Variants in ZBTB20 observed in about 807,000 individuals in gnomAD.
ZBTB20 encodes the protein zinc finger and BTB domain containing 20.
Under a neutral mutation model 56.9 loss-of-function variants are expected in ZBTB20, and 9 were observed. The observed-to-expected ratio is 0.16, with a 90% CI of 0.10 to 0.28. The LOEUF (loss-of-function observed/expected upper bound fraction) is 0.28, where lower values mean the gene tolerates loss of function less well. Ranked by LOEUF, ZBTB20 falls within the 10% of genes least tolerant of loss-of-function variation. The pLI, the probability that ZBTB20 is intolerant of heterozygous loss-of-function variation, is 1.00. For missense variants in ZBTB20, 655 were observed against 1,003.0 expected (o/e 0.65, Z 4.69); for synonymous variants, 417 against 420.7 (o/e 0.99, Z 0.11).
At chr3:115,062,369 G>C (rs758144908) in intron 2 of ZBTB20, among the ~76,000 whole-genome samples, 5 of 152,128 alleles carry the variant, frequency 3.3e-5, no homozygotes, top group Non-Finnish European at 7.4e-5. Context: ...GACAAATCAT[G>C]TTCTTTCTTC....
chr3:114,840,691 C>G (rs1347126784), intron 4 of ZBTB20, among the ~76,000 whole-genome samples: 1 of 152,066 alleles, frequency 6.6e-6, no homozygotes, highest in Non-Finnish European at 1.5e-5. Context: ...ACAGAGTAGT[C>G]AAATTCATAC....
intron 7 of ZBTB20, among the ~76,000 whole-genome samples, chr3:114,436,149 TGTCTTTTCAATA>T (rs2090500126): frequency 6.6e-6 from 1 of 152,192 alleles, no homozygotes; most frequent in African/African-American, 2.4e-5. Context: ...TAGGTCAAAA[TGTCTTTTCAATA>T]GTTGCTAATA....
chr3:114,885,486 T>G (rs1469481436), intron 4 of ZBTB20, among the ~76,000 whole-genome samples: 1 of 152,184 alleles, frequency 6.6e-6, no homozygotes, highest in Non-Finnish European at 1.5e-5. Flanking sequence ...GTGCCTGAGA[T>G]CAACTGAATT....
rs112368385 is a variant in ZBTB20, at chr3:115,106,586, G to A, written c.-702-35172C>T. On this transcript the variant is annotated intron_variant, in intron 1 of 11. Coordinates refer to ENST00000675478, the MANE Select transcript of ZBTB20 (RefSeq NM_001348800.3). Reference sequence around the variant, plus strand: ...ATCTATTTTAAAATTGTATCCCATCGGGCCCAAGGACAATAGTAGGCCAGG... The same window carrying A: ...ATCTATTTTAAAATTGTATCCCATCAGGCCCAAGGACAATAGTAGGCCAGG... Among the ~76,000 whole-genome samples the A allele has an allele frequency of 3.7e-3, 559 of 152,084 alleles. 2 individuals carry two copies. Among genetic ancestry groups the A allele is most frequent in the African/African-American group, 0.012 (486 of 41,478 alleles).
At chr3:114,544,116 T>C (rs530151219) in intron 6 of ZBTB20, among the ~76,000 whole-genome samples, 45 of 152,320 alleles carry the variant, frequency 3.0e-4, no homozygotes, top group African/African-American at 8.4e-4. Context: ...AAAGACTAGC[T>C]GTAGTTAGAC....
intron 2 of ZBTB20, among the ~76,000 whole-genome samples, chr3:114,990,663 T>C: frequency 6.6e-6 from 1 of 152,200 alleles, no homozygotes; most frequent in Non-Finnish European, 1.5e-5. Flanking sequence ...TTGATTGGAA[T>C]AGTTTCAGGA....
At chr3:114,889,351 A>G (rs1024540177) in intron 4 of ZBTB20, among the ~76,000 whole-genome samples, 3 of 152,000 alleles carry the variant, frequency 2.0e-5, no homozygotes, top group African/African-American at 7.2e-5. Flanking sequence ...AGAGTTGTGC[A>G]TTAATTACTA....
chr3:114,750,304 A>G (rs2067461828), intron 5 of ZBTB20, among the ~76,000 whole-genome samples: 1 of 152,226 alleles, frequency 6.6e-6, no homozygotes, highest in Non-Finnish European at 1.5e-5. Flanking sequence ...CCTAGCCTGC[A>G]GGTTACACTT....
At chr3:114,670,672 A>G (rs1196770983) in intron 6 of ZBTB20, among the ~76,000 whole-genome samples, 1 of 152,112 alleles carries the variant, frequency 6.6e-6, no homozygotes, top group Non-Finnish European at 1.5e-5. Context: ...ATATTTGGGG[A>G]AAAAGTCTAA....
chr3:114,630,833 G>A (rs1276315698), intron 6 of ZBTB20, among the ~76,000 whole-genome samples: 1 of 152,126 alleles, frequency 6.6e-6, no homozygotes, highest in African/African-American at 2.4e-5. Flanking sequence ...GCAATGGGAG[G>A]TAATACATTG....
Position 114,575,091 on chromosome 3 carries a change from T to C in ZBTB20, c.-294-74700A>G, listed in dbSNP as rs531554132. Reference sequence around the variant, plus strand: ...GAGTTTAATGAACTACCCATGGTCATGGAGCCAATTAAATGACAGAACTAG... The same window carrying C: ...GAGTTTAATGAACTACCCATGGTCACGGAGCCAATTAAATGACAGAACTAG... On this transcript the variant is annotated intron_variant, in intron 6 of 11. Coordinates refer to ENST00000675478, the MANE Select transcript of ZBTB20 (RefSeq NM_001348800.3). Among the ~76,000 whole-genome samples the C allele has an allele frequency of 1.1e-4, 16 of 152,306 alleles. No homozygotes were observed. In the South Asian group the frequency reaches 3.1e-3, roughly 30 times the overall value.
chr3:114,374,060 A>G (rs1576442437), intron 10 of ZBTB20, among the ~76,000 whole-genome samples: 1 of 152,232 alleles, frequency 6.6e-6, no homozygotes, highest in South Asian at 2.1e-4. Context: ...CTTCCAATGT[A>G]TAAGTGCTGG....
chr3:115,101,102 C>A (rs2083567516), intron 1 of ZBTB20, among the ~76,000 whole-genome samples: 1 of 152,192 alleles, frequency 6.6e-6, no homozygotes, highest in South Asian at 2.1e-4. Flanking sequence ...ACAAACATCA[C>A]AATGCAATGT....
intron 2 of ZBTB20, among the ~76,000 whole-genome samples, chr3:115,043,734 A>G (rs2081237478): frequency 6.6e-6 from 1 of 152,112 alleles, no homozygotes; most frequent in Non-Finnish European, 1.5e-5. Context: ...TTTCTTTGTC[A>G]CTAATATTTC....
At chr3:114,809,183 GT>G (rs1289116831) in intron 4 of ZBTB20, among the ~76,000 whole-genome samples, 1 of 151,872 alleles carries the variant, frequency 6.6e-6, no homozygotes, top group Non-Finnish European at 1.5e-5. Context: ...CCAACATGGA[GT>G]TTTTGTGCTT....
At chr3:114,985,544 AC>A (rs1486654659) in intron 2 of ZBTB20, among the ~76,000 whole-genome samples, 1 of 152,122 alleles carries the variant, frequency 6.6e-6, no homozygotes, top group Non-Finnish European at 1.5e-5. Flanking sequence ...TCCCCATTAA[AC>A]TTTTGATATG....
intron 7 of ZBTB20, among the ~76,000 whole-genome samples, chr3:114,389,961 A>C (rs1188455295): frequency 6.6e-6 from 1 of 151,172 alleles, no homozygotes; most frequent in Admixed American, 6.6e-5. Flanking sequence ...CGTAAAACCT[A>C]CTCTCAGTAA....
chr3:114,804,992 T>C lies in ZBTB20; in HGVS notation c.-416-3818A>G, dbSNP rs533214069. 1.6e-4 allele frequency among the ~76,000 whole-genome samples: 24 copies of C among 152,042 alleles called. No homozygotes were observed. The South Asian group carries it at 4.1e-3, about 26-fold the overall frequency. On this transcript the variant is annotated intron_variant, in intron 4 of 11. Coordinates refer to ENST00000675478, the MANE Select transcript of ZBTB20 (RefSeq NM_001348800.3). ...GGATCTAAATAAGATGTACACATTA[T>C]ATTCAAACGATAATTATCCTTTAAT...
chr3:114,832,833 G>C (rs927979232), intron 4 of ZBTB20, among the ~76,000 whole-genome samples: 1 of 152,222 alleles, frequency 6.6e-6, no homozygotes, highest in Non-Finnish European at 1.5e-5. Flanking sequence ...AAAATTTTGT[G>C]TTTGGTGATT....
Sources: gnomAD v4.1 joint callset for allele counts (sites outside exome capture counted in the v4.1 genomes callset) on GRCh38, gnomAD v4.1.1 for gene constraint, MANE v1.5 for transcripts, NCBI Gene and HGNC (gene_info 2026-07-23, HGNC 2026-07-21) for gene names.